Variants in CECR2 observed in about 807,000 individuals in gnomAD.
CECR2 encodes the protein CECR2 histone acetyl-lysine reader.
Under a neutral mutation model 154.5 loss-of-function variants are expected in CECR2, and 30 were observed. That is an observed-to-expected ratio of 0.19 (90% CI 0.15 to 0.26). CECR2 has a LOEUF of 0.26. Ranked by LOEUF, CECR2 falls within the 10% of genes least tolerant of loss-of-function variation. CECR2 has a pLI of 1.00. For synonymous variants in CECR2, 725 were observed against 683.7 expected (o/e 1.06, Z -0.94); for missense variants, 1,743 against 1,829.3 (o/e 0.95, Z 0.86).
At chr22:17,414,257 C>T (rs533088895) in intron 1 of CECR2, among the ~76,000 whole-genome samples, 95 of 152,206 alleles carry the variant, frequency 6.2e-4, no homozygotes, top group Non-Finnish European at 1.2e-3. Flanking sequence ...CAGGCGTGAG[C>T]CACTGCGCCC....
In CECR2 at chr22:17,522,109, A is replaced by G. The variant is rs911110058; in HGVS notation, c.955-2009A>G. Among the ~76,000 whole-genome samples the G allele has an allele frequency of 3.3e-5, 5 of 152,002 alleles. No homozygotes were observed. In the South Asian group the frequency reaches 8.3e-4, roughly 25 times the overall value. ...GGCCTCTGTTCTGTTCCATTGGTCT[A>G]TATCTCTGTTTTGGTACCAGTACCA... On this transcript the variant is annotated intron_variant, in intron 8 of 18. Coordinates refer to ENST00000262608, the MANE Select transcript of CECR2 (RefSeq NM_001290047.2).
intron 1 of CECR2, among the ~76,000 whole-genome samples, chr22:17,427,024 C>G (rs904303172): frequency 6.6e-6 from 1 of 151,902 alleles, no homozygotes; most frequent in Non-Finnish European, 1.5e-5. Flanking sequence ...CCCCACCCCA[C>G]GACAGGCCCT....
chr22:17,547,880 A>G (rs531795006), intron 16 of CECR2, among the ~76,000 whole-genome samples: 1 of 152,282 alleles, frequency 6.6e-6, no homozygotes, highest in South Asian at 2.1e-4. Flanking sequence ...GAATCGGGCA[A>G]CCCACGGTTA....
intron 13 of CECR2, among the ~76,000 whole-genome samples, chr22:17,540,183 G>T (rs1311524768): frequency 6.6e-6 from 1 of 152,124 alleles, no homozygotes; most frequent in Admixed American, 6.6e-5. Context: ...ACAACCTTGG[G>T]CATCTTACAG....
intron 1 of CECR2, among the ~76,000 whole-genome samples, chr22:17,460,490 G>A (rs1274639238): frequency 1.3e-5 from 2 of 152,220 alleles, no homozygotes; most frequent in Admixed American, 1.3e-4. Context: ...GATTGCAGGC[G>A]TGAGCCACCG....
At chr22:17,370,182 A>AGGGAGC (rs2063038346) in intron 1 of CECR2, among the ~76,000 whole-genome samples, 2 of 147,800 alleles carry the variant, frequency 1.4e-5, no homozygotes, top group Admixed American at 1.3e-4. Context: ...TTTGTGGGAG[A>AGGGAGC]GGGAGCGGGA....
chr22:17,546,092 T>C (rs1435537731), intron 16 of CECR2, among the ~76,000 whole-genome samples: 1 of 151,946 alleles, frequency 6.6e-6, no homozygotes, highest in African/African-American at 2.4e-5. Context: ...GAAAAAAACC[T>C]TTTAGTATTT....
rs1203712862 is a variant in CECR2, at chr22:17,548,351, A to G, written c.3064A>G (p.Lys1022Glu). The change falls in exon 17 of 19, where the codon AAG (lysine) becomes GAG (glutamate). Residue 1022 changes from lysine to glutamate, a missense_variant. By Grantham distance (56) the Lys-to-Glu change is moderately conservative (BLOSUM62 1). Coordinates refer to ENST00000262608, the MANE Select transcript of CECR2 (RefSeq NM_001290047.2). ...SADNCKAMKG[K>E]NPWPSDSSYP... Reference sequence around the variant, plus strand: ...GGACAACTGTAAAGCAATGAAGGGCAAGAATCCCTGGCCCTCGGATAGCAG... The same window carrying G: ...GGACAACTGTAAAGCAATGAAGGGCGAGAATCCCTGGCCCTCGGATAGCAG... 2 of 1,612,698 alleles carry G rather than the reference A, an allele frequency of 1.2e-6. No homozygotes were observed.
At chr22:17,475,262 G>T (rs1232583110) in intron 1 of CECR2, among the ~76,000 whole-genome samples, 1 of 152,176 alleles carries the variant, frequency 6.6e-6, no homozygotes, top group African/African-American at 2.4e-5. Flanking sequence ...AAGACACAGT[G>T]GTTGGGGCGG....
At chr22:17,384,000 T>C (rs2063231357) in intron 1 of CECR2, among the ~76,000 whole-genome samples, 1 of 152,096 alleles carries the variant, frequency 6.6e-6, no homozygotes, top group African/African-American at 2.4e-5. Flanking sequence ...CTATTTCTTT[T>C]GCTGTATCTA....
rs568138130 is a variant in CECR2, at chr22:17,554,572, T to C, written c.*1732T>C. On this transcript the variant is annotated 3_prime_UTR_variant, in exon 19 of 19. Coordinates refer to ENST00000262608, the MANE Select transcript of CECR2 (RefSeq NM_001290047.2). Reference sequence around the variant, plus strand: ...GAAGTTCATATCCGTACGCAAATGCTGAACCTGGTGCTGCTGCCTAGGGCT... The same window carrying C: ...GAAGTTCATATCCGTACGCAAATGCCGAACCTGGTGCTGCTGCCTAGGGCT... 1 of 152,352 alleles carries C rather than the reference T, an allele frequency of 6.6e-6. No individual in the cohort carries two copies. The highest frequency in any genetic ancestry group is 2.4e-5 in the African/African-American group (1 of 41,584). The allele number at this position is 152,352 out of a possible 1,614,324, so 9.4% of individuals were successfully genotyped here. A position where few individuals can be genotyped will look rare whatever the true frequency, so the allele number is the denominator to read the frequency against.
intron 2 of CECR2, among the ~76,000 whole-genome samples, chr22:17,493,211 A>G (rs1308920842): frequency 6.6e-6 from 1 of 152,090 alleles, no homozygotes; most frequent in Non-Finnish European, 1.5e-5. Flanking sequence ...TCCTCAAGTG[A>G]TCTGCCCATC....
intron 8 of CECR2, among the ~76,000 whole-genome samples, chr22:17,516,232 TACAC>T (rs1172934521): frequency 9.9e-5 from 15 of 151,872 alleles, no homozygotes; most frequent in Non-Finnish European, 2.9e-5. Context: ...TATATATCCA[TACAC>T]ACACACATAT....
intron 1 of CECR2, among the ~76,000 whole-genome samples, chr22:17,407,638 A>G (rs4819581): frequency 0.46 from 70,268 of 151,452 alleles, 17,119 homozygotes; most frequent in Non-Finnish European, 0.54. Context: ...TTTTAGCCTC[A>G]GGTTTTAGGT....
chr22:17,530,687 G>GAA (rs79356386), intron 9 of CECR2, among the ~76,000 whole-genome samples: 171 of 138,738 alleles, frequency 1.2e-3, no homozygotes, highest in African/African-American at 4.3e-3. Flanking sequence ...CCTCAAAAAA[G>GAA]AAAAAAAAAA....
chr22:17,432,399 A>G (rs2146640183), intron 1 of CECR2, among the ~76,000 whole-genome samples: 1 of 152,198 alleles, frequency 6.6e-6, no homozygotes, highest in East Asian at 1.9e-4. Flanking sequence ...GGTTGTTTCT[A>G]CTTTTTGGTT....
intron 1 of CECR2, among the ~76,000 whole-genome samples, chr22:17,458,795 G>A (rs2054893159): frequency 6.6e-6 from 1 of 151,954 alleles, no homozygotes; most frequent in South Asian, 2.1e-4. Context: ...GACTTTTTTT[G>A]TTATGAAGGA....
intron 1 of CECR2, among the ~76,000 whole-genome samples, chr22:17,402,070 G>A (rs1460483241): frequency 2.0e-5 from 3 of 152,058 alleles, no homozygotes; most frequent in Non-Finnish European, 4.4e-5. Context: ...TGCAAGCTCC[G>A]CCTCCCAGAT....
chr22:17,511,888 A>C lies in CECR2; in HGVS notation c.946A>C (p.Lys316Gln), dbSNP rs372506978. The change falls in exon 8 of 19, where the codon AAG (lysine) becomes CAG (glutamine). Residue 316 changes from lysine (K) to glutamine (Q), a missense_variant. By Grantham distance (53) the Lys-to-Gln change is moderately conservative. Around this residue, in one of 4 missense-constraint regions of CECR2, gnomAD observed 292 missense variants for 301.2 expected, o/e 0.97. Transcript: ENST00000262608. ...TGACCACCTGTCCATCAAACCCGTC[A>C]AGCAAGAGGTGAGTGTGGGTGAGAG... The part of the protein sequence containing the change: ...MSDHLSIKPV[K>Q]QEETPVLTRI... 473 of 1,611,364 alleles carry C rather than the reference A, an allele frequency of 2.9e-4. No homozygotes were observed. The highest frequency in any genetic ancestry group is 4.7e-4 in the Admixed American group (28 of 59,912).
Sources: gnomAD v4.1 joint callset for allele counts (sites outside exome capture counted in the v4.1 genomes callset) on GRCh38, gnomAD v4.1.1 for gene constraint, gnomAD v4.1.1 regional missense constraint, MANE v1.5 for transcripts, NCBI Gene and HGNC (gene_info 2026-07-23, HGNC 2026-07-21) for gene names.